Variants in ABCB4 observed in about 807,000 individuals in gnomAD.
ABCB4 encodes the protein ATP binding cassette subfamily B member 4, also known as phosphatidylcholine translocator ABCB4.
Under a neutral mutation model 145.7 loss-of-function variants are expected in ABCB4, and 76 were observed. That is an observed-to-expected ratio of 0.52 (90% CI 0.43 to 0.63). ABCB4 has a LOEUF of 0.63. Among genes scored for constraint, ABCB4 ranks in the 30% least tolerant of loss-of-function variants. The probability of loss-of-function intolerance (pLI) is 0.00; values close to 1 mark genes in which losing one functional copy is unlikely to be tolerated. For synonymous variants in ABCB4, 517 were observed against 566.8 expected (o/e 0.91, Z 1.25); for missense variants, 1,234 against 1,553.1 (o/e 0.79, Z 3.45).
At chr7:87,403,685 A>G (rs1291196607) in intron 26 of ABCB4, among the ~76,000 whole-genome samples, 2 of 152,172 alleles carry the variant, frequency 1.3e-5, no homozygotes, top group Admixed American at 6.5e-5. Flanking sequence ...TTGCACTATG[A>G]TATTATGACA....
At chr7:87,402,448 T>C in intron 27 of ABCB4, 146 bp from the exon 28 acceptor site, 1 of 1,015,714 alleles carries the variant, frequency 9.8e-7, no homozygotes, top group Non-Finnish European at 1.5e-6. Flanking sequence ...GTGTATTTTG[T>C]ATAATCAACA....
intron 14 of ABCB4, among the ~76,000 whole-genome samples, chr7:87,433,764 C>A (rs1376832077): frequency 6.7e-6 from 1 of 149,326 alleles, no homozygotes; most frequent in African/African-American, 2.5e-5. Flanking sequence ...GGGACACCAG[C>A]TATTATGAAA....
At chr7:87,420,173 G>A in intron 18 of ABCB4, 98 bp from the exon 19 acceptor site, 1 of 1,147,998 alleles carries the variant, frequency 8.7e-7, no homozygotes, top group Non-Finnish European at 1.3e-6. Flanking sequence ...GTTATGAGTT[G>A]TTTTACAGTT....
At chr7:87,375,122 G>A in the ABCB4 span, 1 of 153,418 alleles carries the variant, frequency 6.5e-6, no homozygotes, top group East Asian at 1.9e-4. Context: ...TAACAAAGTG[G>A]CACATATGAA....
intron 4 of ABCB4, among the ~76,000 whole-genome samples, chr7:87,455,271 G>A (rs569863115): frequency 6.6e-6 from 1 of 152,164 alleles, no homozygotes; most frequent in Non-Finnish European, 1.5e-5. Flanking sequence ...TAATTGGAAA[G>A]AAATCTATTG....
At position 87,417,496 on chromosome 7, in the gene ABCB4, G is replaced by T; in HGVS notation, c.2498C>A (p.Ala833Asp). The change falls in exon 21 of 28, where the codon GCT becomes GAT. Residue 833 changes from alanine (A) to aspartate (D), a missense_variant. This residue lies in a region of ABCB4 where 321 missense variants were observed against 332.6 expected (regional missense o/e 0.97). Coordinates refer to ENST00000649586, the MANE Select transcript of ABCB4 (RefSeq NM_000443.4). ...GTTAGCTATATTCTGTGCAATTAAAGCCAACCTGGTTCCTGTGGCCTGGGA... is the reference window on the plus strand; with the variant it reads ...GTTAGCTATATTCTGTGCAATTAAATCCAACCTGGTTCCTGTGGCCTGGGA... Reference protein sequence around the residue: ...QVQGATGTRLALIAQNIANLG... With the variant: ...QVQGATGTRLDLIAQNIANLG... 1.9e-6 allele frequency: 3 copies of T among 1,614,122 alleles called. No homozygotes were observed. Among genetic ancestry groups the T allele is most frequent in the Non-Finnish European group, 2.5e-6 (3 of 1,179,992 alleles).
rs530977084 is a variant in ABCB4, at chr7:87,401,976, G to C, written c.*120C>G. On this transcript the variant is annotated 3_prime_UTR_variant, in exon 28 of 28. Coordinates refer to ENST00000649586, the MANE Select transcript of ABCB4 (RefSeq NM_000443.4). Reference sequence around the variant, plus strand: ...AACCCCAAATTGGGTCTTCTAAATTGATCTAGAATGAGACAGACATACCTA... The same window carrying C: ...AACCCCAAATTGGGTCTTCTAAATTCATCTAGAATGAGACAGACATACCTA... 381 of 1,365,958 alleles carry C rather than the reference G, an allele frequency of 2.8e-4. No homozygotes were observed. Among genetic ancestry groups the C allele is most frequent in the Non-Finnish European group, 3.7e-4 (367 of 981,976 alleles). 84.6% of individuals were successfully genotyped at this position (1,365,958 alleles called of 1,614,324 possible).
chr7:87,453,208 G>A, intron 5 of ABCB4, 73 bp from the exon 6 acceptor site: 1 of 1,456,418 alleles, frequency 6.9e-7, no homozygotes, highest in Non-Finnish European at 9.5e-7. Context: ...TTCTGAAACT[G>A]AGTCTCACTC....
intron 16 of ABCB4, among the ~76,000 whole-genome samples, chr7:87,425,798 C>G (rs969720511): frequency 2.0e-5 from 3 of 151,938 alleles, no homozygotes; most frequent in Non-Finnish European, 2.9e-5. Flanking sequence ...ATCAGTTGAG[C>G]CCGGGAAGTG....
chr7:87,421,117 C>T (rs1809383967), intron 18 of ABCB4, among the ~76,000 whole-genome samples: 1 of 152,192 alleles, frequency 6.6e-6, no homozygotes, highest in Admixed American at 6.5e-5. Flanking sequence ...TTACCACATC[C>T]AAACTGGAGA....
intron 23 of ABCB4, among the ~76,000 whole-genome samples, chr7:87,411,524 T>C (rs987881587): frequency 2.0e-5 from 3 of 152,160 alleles, no homozygotes; most frequent in Admixed American, 6.5e-5. Flanking sequence ...CATGTTTTGG[T>C]TGTAGATAAT....
intron 25 of ABCB4, 156 bp from the exon 26 acceptor site, chr7:87,406,650 C>CCT: frequency 1.3e-6 from 1 of 781,898 alleles, no homozygotes; most frequent in Non-Finnish European, 2.0e-6. Flanking sequence ...GCCAGCATGG[C>CCT]CAACATGATG....
At chr7:87,403,773 A>G (rs1268269118) in intron 26 of ABCB4, among the ~76,000 whole-genome samples, 1 of 152,228 alleles carries the variant, frequency 6.6e-6, no homozygotes, top group Non-Finnish European at 1.5e-5. Context: ...GCAGTCTGTC[A>G]TTGACCAAAA....
At chr7:87,420,717 G>A (rs1034184858) in intron 18 of ABCB4, among the ~76,000 whole-genome samples, 18 of 152,220 alleles carry the variant, frequency 1.2e-4, no homozygotes, top group African/African-American at 9.6e-5. Flanking sequence ...AAGCCCCCAC[G>A]TCAAATTCAT....
At chr7:87,463,689 G>A (rs1412535601) in intron 3 of ABCB4, among the ~76,000 whole-genome samples, 2 of 152,294 alleles carry the variant, frequency 1.3e-5, no homozygotes, top group African/African-American at 2.4e-5. Context: ...AGTACAAAGT[G>A]TGGGAGAGGA....
At chr7:87,411,551 C>G (rs1808624886) in intron 23 of ABCB4, among the ~76,000 whole-genome samples, 1 of 152,140 alleles carries the variant, frequency 6.6e-6, no homozygotes, top group Admixed American at 6.5e-5. Flanking sequence ...CTATATAACC[C>G]TGTTTTGAGT....
intron 8 of ABCB4, 22 bp downstream of exon 8, chr7:87,449,946 G>A: frequency 1.9e-6 from 3 of 1,614,102 alleles, no homozygotes; most frequent in Non-Finnish European, 2.5e-6. Context: ...CCTTAAACCA[G>A]TGGCTAAAGA....
the ABCB4 span, among the ~76,000 whole-genome samples, chr7:87,394,825 G>T: frequency 1.8e-3 from 278 of 152,238 alleles, no homozygotes; most frequent in Non-Finnish European, 3.6e-3. Context: ...GCCAGCAAAG[G>T]ATAGTTTGAT....
At chr7:87,468,747 A>G (rs955403967) in intron 3 of ABCB4, among the ~76,000 whole-genome samples, 5 of 151,928 alleles carry the variant, frequency 3.3e-5, no homozygotes, top group Non-Finnish European at 5.9e-5. Context: ...CCTGGCTAAC[A>G]TGGTGAAACC....
Sources: allele counts gnomAD v4.1 joint callset (sites outside exome capture counted in the v4.1 genomes callset), GRCh38; gene constraint gnomAD v4.1.1; regional missense constraint gnomAD v4.1.1; transcripts MANE v1.5; gene names NCBI Gene and HGNC (gene_info 2026-07-23, HGNC 2026-07-21).